The following PUDP variants were observed in gnomAD, a reference collection of about 807,000 sequenced individuals.
The protein encoded by PUDP is pseudouridine 5'-phosphatase.
In PUDP, 8 loss-of-function variants were observed where a neutral mutation model predicts 9.4. That is an observed-to-expected ratio of 0.85 (90% confidence interval 0.50 to 1.53). The LOEUF is 1.53. PUDP is among the 40% of genes most tolerant of loss of function. The probability of loss-of-function intolerance (pLI) is 0.00; values close to 1 mark genes in which losing one functional copy is unlikely to be tolerated. For missense variants in PUDP, 188 were observed against 189.7 expected (o/e 0.99, Z 0.05); for synonymous variants, 99 against 80.7 (o/e 1.23, Z -1.22).
intron 2 of PUDP, among the ~76,000 whole-genome samples, chrX:7,100,026 T>G: frequency 2.5e-5 from 1 of 40,593 alleles, no homozygotes; most frequent in Admixed American, 3.3e-4. Context: ...CCTCACCCCA[T>G]CCCGTCCCCC....
In PUDP at chrX:7,088,432, G is replaced by T. The variant is rs374184326; in HGVS notation, c.281-10983C>A. ...CTTTAGAAGAAAAGCCTCTCCACCTGATCCTACTGACCCTAAGTGCCCCTC... is the reference window on the plus strand; with the variant it reads ...CTTTAGAAGAAAAGCCTCTCCACCTTATCCTACTGACCCTAAGTGCCCCTC... On this transcript the variant is annotated intron_variant, in intron 2 of 3. Transcript: ENST00000381077. 1.3e-4 allele frequency among the ~76,000 whole-genome samples: 14 copies of T among 111,362 alleles called. No homozygotes were observed. The South Asian group carries it at 2.7e-3, about 21-fold the overall frequency.
At chrX:6,895,454 A>G (rs1309182330) in intron 3 of PUDP, among the ~76,000 whole-genome samples, 3 of 107,868 alleles carry the variant, frequency 2.8e-5, no homozygotes, top group African/African-American at 1.0e-4. Flanking sequence ...GTAAAATATT[A>G]GTAATATAGT....
chrX:6,812,450 CT>C (rs1208088002), intron 3 of PUDP, among the ~76,000 whole-genome samples: 1 of 111,905 alleles, frequency 8.9e-6, no homozygotes, highest in Non-Finnish European at 1.9e-5. Context: ...ATCTATTTAC[CT>C]GTTACTATGG....
At chrX:7,046,011 T>C (rs1358179712), downstream of PUDP, among the ~76,000 whole-genome samples, 1 of 112,515 alleles carries the variant, frequency 8.9e-6, no homozygotes, top group African/African-American at 3.2e-5. Flanking sequence ...ACTGAGATGA[T>C]TTGCCATCAT....
chrX:7,102,996 G>T (rs1266142446), intron 2 of PUDP, among the ~76,000 whole-genome samples: 1 of 111,930 alleles, frequency 8.9e-6, no homozygotes, highest in African/African-American at 3.2e-5. Flanking sequence ...TTCATAGCAT[G>T]CAAAGCAATC....
intron 1 of PUDP, among the ~76,000 whole-genome samples, chrX:7,127,572 T>C (rs1932515852): frequency 8.9e-6 from 1 of 112,453 alleles, no homozygotes; most frequent in Non-Finnish European, 1.9e-5. Context: ...GTAAAGTACC[T>C]GGGAGGGAAC....
In PUDP at chrX:7,056,466, G is replaced by C. The variant is rs192054182; in HGVS notation, c.511-5994C>G. Reference sequence around the variant, plus strand: ...TGTGTCAGGACATGCACATGGATGTGTGTGTATGCATGCATATTCTATATG... The same window carrying C: ...TGTGTCAGGACATGCACATGGATGTCTGTGTATGCATGCATATTCTATATG... On this transcript the variant is annotated intron_variant, in intron 3 of 3. Coordinates refer to ENST00000381077, the MANE Select transcript of PUDP (RefSeq NM_012080.5). 3.7e-4 allele frequency among the ~76,000 whole-genome samples: 42 copies of C among 112,233 alleles called. No individual in the cohort carries two copies. The Admixed American group carries it at 3.8e-3, about 10-fold the overall frequency.
intron 3 of PUDP, among the ~76,000 whole-genome samples, chrX:6,852,364 T>C (rs1237861605): frequency 8.9e-6 from 1 of 112,313 alleles, no homozygotes; most frequent in Non-Finnish European, 1.9e-5. Context: ...CTTTGCTGGG[T>C]CCCAGCAGCC....
At chrX:7,064,927 T>A (rs5978851) in intron 3 of PUDP, among the ~76,000 whole-genome samples, 36,534 of 110,850 alleles carry the variant, frequency 0.33, 4,547 homozygotes, top group Middle Eastern at 0.46. Flanking sequence ...AATTTCCACA[T>A]AGCAACTAAC....
chrX:7,059,631 G>T (rs1312982990), intron 3 of PUDP, among the ~76,000 whole-genome samples: 1 of 111,970 alleles, frequency 8.9e-6, no homozygotes, highest in Non-Finnish European at 1.9e-5. Flanking sequence ...CTAACCTGTA[G>T]AGCAGCAAGT....
chrX:6,968,257 T>C (rs902264587), intron 3 of PUDP, among the ~76,000 whole-genome samples: 15 of 112,219 alleles, frequency 1.3e-4, no homozygotes, highest in African/African-American at 4.9e-4. Context: ...ACCATCCGTG[T>C]AGTACACAGT....
chrX:7,142,044 T>C (rs939688427), intron 1 of PUDP, among the ~76,000 whole-genome samples: 3 of 112,281 alleles, frequency 2.7e-5, no homozygotes, highest in Non-Finnish European at 3.8e-5. Context: ...CTGATGGAGA[T>C]GTACAAGGAG....
chrX:7,122,239 G>A, intron 1 of PUDP, among the ~76,000 whole-genome samples: 1 of 106,636 alleles, frequency 9.4e-6, no homozygotes. Flanking sequence ...GTGTGTGTGT[G>A]TGTGTTTACA....
At chrX:6,865,559 G>T (rs150453755) in intron 3 of PUDP, among the ~76,000 whole-genome samples, 2,417 of 112,283 alleles carry the variant, frequency 0.022, 27 homozygotes, top group Non-Finnish European at 0.032. Flanking sequence ...CATCTCTAGA[G>T]CTTCCACATT....
At chrX:6,831,903 G>A (rs1445060814) in intron 3 of PUDP, among the ~76,000 whole-genome samples, 1 of 111,691 alleles carries the variant, frequency 9.0e-6, no homozygotes, top group Non-Finnish European at 1.9e-5. Context: ...AACTAGCAAG[G>A]CAGCTTTAAA....
intron 1 of PUDP, among the ~76,000 whole-genome samples, chrX:6,990,727 T>C (rs2146804322): frequency 8.9e-6 from 1 of 111,906 alleles, no homozygotes; most frequent in Admixed American, 9.4e-5. Context: ...CAATGCCGCA[T>C]GGGCCGGGAA....
chrX:7,050,443 C>G lies in PUDP; in HGVS notation c.540G>C (p.Gly180=). Residue 180 remains glycine (G), a synonymous_variant, in exon 4 of 4, where the codon GGG becomes GGC. Coordinates refer to ENST00000381077, the MANE Select transcript of PUDP (RefSeq NM_012080.5). ...KCLVFEDAPN[G]VEAALAAGMQ... is the part of the protein sequence containing the mutation. Reference sequence around the variant, plus strand: ...TCCCAGCTGCCAGGGCCGCCTCCACCCCATTGGGAGCATCTTCAAAGACAA... The same window carrying G: ...TCCCAGCTGCCAGGGCCGCCTCCACGCCATTGGGAGCATCTTCAAAGACAA... 8.3e-7 allele frequency: 1 copy of G among 1,211,116 alleles called. No homozygotes were observed. Among genetic ancestry groups the G allele is most frequent in the Non-Finnish European group, 1.1e-6 (1 of 894,997 alleles).
At chrX:6,732,541 AAGAG>A (rs758245416) in intron 3 of PUDP, among the ~76,000 whole-genome samples, 3 of 103,654 alleles carry the variant, frequency 2.9e-5, no homozygotes, top group African/African-American at 7.0e-5. Flanking sequence ...AAGTGAAAGA[AAGAG>A]AGAGAAAGAG....
At chrX:6,862,394 G>A (rs1927015006) in intron 3 of PUDP, among the ~76,000 whole-genome samples, 1 of 112,431 alleles carries the variant, frequency 8.9e-6, no homozygotes, top group African/African-American at 3.2e-5. Context: ...CAGTTCAGAC[G>A]AATAGCAGAT....
Sources: allele counts gnomAD v4.1 joint callset (sites outside exome capture counted in the v4.1 genomes callset), GRCh38; gene constraint gnomAD v4.1.1; transcripts MANE v1.5; gene names NCBI Gene and HGNC (gene_info 2026-07-23, HGNC 2026-07-21).